Variants in LIMCH1 observed in about 807,000 individuals in gnomAD.
LIMCH1 encodes the protein LIM and calponin homology domains 1, also known as LIM and calponin homology domains-containing protein 1.
A neutral mutation model predicts 176.5 loss-of-function variants in LIMCH1; 113 were observed. That is an observed-to-expected ratio of 0.64 (90% CI 0.55 to 0.75). The LOEUF (loss-of-function observed/expected upper bound fraction) is 0.75, where lower values mean the gene tolerates loss of function less well. LIMCH1 is among the 30% of genes least tolerant of loss of function. The pLI, the probability that LIMCH1 is intolerant of heterozygous loss-of-function variation, is 0.00. For synonymous variants in LIMCH1, 619 were observed against 645.9 expected, an observed-to-expected ratio of 0.96 and a Z score of 0.63; for missense variants, 1,674 against 1,814.9, an observed-to-expected ratio of 0.92 and a Z score of 1.41.
chr4:41,412,440 G>A (rs1473193157), intron 1 of LIMCH1, among the ~76,000 whole-genome samples: 3 of 152,064 alleles, frequency 2.0e-5, no homozygotes, highest in East Asian at 1.9e-4. Context: ...ATCTACAGAG[G>A]TTACTTAAGG....
At chr4:41,608,761 G>C (rs941272274) in intron 4 of LIMCH1, among the ~76,000 whole-genome samples, 1 of 152,122 alleles carries the variant, frequency 6.6e-6, no homozygotes, top group African/African-American at 2.4e-5. Flanking sequence ...AAAGGAAGTG[G>C]CACTTCAGCT....
chr4:41,524,311 T>C (rs1468803907), intron 2 of LIMCH1: 6 of 904,906 alleles, frequency 6.6e-6, no homozygotes, highest in Middle Eastern at 4.3e-4. Flanking sequence ...TTCACTGCTT[T>C]TCCTATCCAG....
intron 1 of LIMCH1, among the ~76,000 whole-genome samples, chr4:41,365,682 A>G (rs2052859155): frequency 6.6e-6 from 1 of 152,250 alleles, no homozygotes; most frequent in South Asian, 2.1e-4. Context: ...GTCTGAATAG[A>G]TATGTAAATG....
At chr4:41,621,875 A>G (rs139492807) in intron 7 of LIMCH1, among the ~76,000 whole-genome samples, 3 of 151,910 alleles carry the variant, frequency 2.0e-5, no homozygotes, top group African/African-American at 7.2e-5. Context: ...CACATTTTCC[A>G]TTTCTCTATA....
intron 5 of LIMCH1, 54 bp downstream of exon 5, chr4:41,613,715 C>A: frequency 1.3e-6 from 2 of 1,498,800 alleles, no homozygotes; most frequent in South Asian, 2.3e-5. Flanking sequence ...TTTGCAGGGG[C>A]TGCATTGCGC....
At chr4:41,486,170 A>G (rs940303402) in intron 1 of LIMCH1, among the ~76,000 whole-genome samples, 1 of 152,124 alleles carries the variant, frequency 6.6e-6, no homozygotes, top group African/African-American at 2.4e-5. Flanking sequence ...TGGCCCCTGA[A>G]TGCTTCTGAA....
intron 1 of LIMCH1, among the ~76,000 whole-genome samples, chr4:41,409,346 T>C (rs535472536): frequency 1.1e-4 from 16 of 152,300 alleles, no homozygotes; most frequent in South Asian, 2.1e-4. Flanking sequence ...AAAGCATTTA[T>C]TGGGGCTCTT....
At chr4:41,514,005 TAAAAAAAAAAAAAAAAAAAAAAAAAAAA>T (rs71198665) in intron 2 of LIMCH1, among the ~76,000 whole-genome samples, 2 of 48,514 alleles carry the variant, frequency 4.1e-5, no homozygotes, top group Non-Finnish European at 7.9e-5. Flanking sequence ...GACTCCGTCT[TAAAAAAAAAAAAAAAAAAAAAAAAAAAA>T]AAAAAAAAAA....
At chr4:41,650,356 T>A in intron 17 of LIMCH1, 37 bp from the exon 18 acceptor site, 1 of 1,453,512 alleles carries the variant, frequency 6.9e-7, no homozygotes. Flanking sequence ...GATTGGGGTA[T>A]ATATAGCATG....
chr4:41,458,189 A>C (rs79037283), intron 1 of LIMCH1, among the ~76,000 whole-genome samples: 1 of 152,186 alleles, frequency 6.6e-6, no homozygotes. Flanking sequence ...AAATGGATGC[A>C]TAGTATCTCA....
chr4:41,593,065 TG>T (rs1357865401), intron 1 of LIMCH1, among the ~76,000 whole-genome samples: 1 of 152,226 alleles, frequency 6.6e-6, no homozygotes, highest in Non-Finnish European at 1.5e-5. Flanking sequence ...GAGACCATCC[TG>T]GGCTATTCCC....
At chr4:41,629,411 A>G in intron 8 of LIMCH1, 81 bp from the exon 9 acceptor site, 1 of 1,470,028 alleles carries the variant, frequency 6.8e-7, no homozygotes, top group Non-Finnish European at 9.1e-7. Flanking sequence ...GTGAGTTTCC[A>G]TGCTTGACAT....
intron 1 of LIMCH1, among the ~76,000 whole-genome samples, chr4:41,436,021 T>C (rs757552313): frequency 6.6e-6 from 1 of 152,238 alleles, no homozygotes; most frequent in African/African-American, 2.4e-5. Flanking sequence ...TTGTTCCACT[T>C]TCAATGATAC....
rs538537218 is a variant in LIMCH1 at position 41,563,661 on chromosome 4, A to C, written c.-241+25311A>C. 4.6e-5 allele frequency among the ~76,000 whole-genome samples: 7 copies of C among 152,000 alleles called. 1 individual carries two copies. The East Asian group carries it at 1.4e-3, about 30-fold the overall frequency. On this transcript the variant is annotated intron_variant, in intron 1 of 31. Coordinates refer to ENST00000503057, the MANE Select transcript of LIMCH1 (RefSeq NM_001330672.2). ...AAGCAACTGTGCTTTGGAGAACAGCACCTCCCTCTACCCATCCTGCAAAAA... is the reference window on the plus strand; with the variant it reads ...AAGCAACTGTGCTTTGGAGAACAGCCCCTCCCTCTACCCATCCTGCAAAAA...
intron 1 of LIMCH1, among the ~76,000 whole-genome samples, chr4:41,465,391 A>G (rs966969093): frequency 2.0e-5 from 3 of 152,094 alleles, no homozygotes; most frequent in Non-Finnish European, 4.4e-5. Context: ...GAGGTCCAAA[A>G]TGTCTTGGCC....
intron 1 of LIMCH1, among the ~76,000 whole-genome samples, chr4:41,456,108 A>G (rs1167648080): frequency 6.6e-6 from 1 of 152,044 alleles, no homozygotes; most frequent in East Asian, 1.9e-4. Flanking sequence ...AGTATCTTTG[A>G]TGGCAATAGT....
chr4:41,411,343 A>G (rs2059459583), intron 1 of LIMCH1, among the ~76,000 whole-genome samples: 2 of 152,124 alleles, frequency 1.3e-5, no homozygotes, highest in Non-Finnish European at 2.9e-5. Flanking sequence ...TCAGCCGAAA[A>G]TTACTATGTT....
chr4:41,397,458 T>C (rs1201762841), intron 1 of LIMCH1, among the ~76,000 whole-genome samples: 1 of 152,178 alleles, frequency 6.6e-6, no homozygotes, highest in Admixed American at 6.5e-5. Flanking sequence ...ATACGTTATA[T>C]GGATTTACAT....
intron 2 of LIMCH1, among the ~76,000 whole-genome samples, chr4:41,600,017 G>C (rs1397232896): frequency 6.6e-6 from 1 of 151,830 alleles, no homozygotes; most frequent in East Asian, 1.9e-4. Flanking sequence ...TTTTTAAAAA[G>C]GATGAGGAAA....
Sources: allele counts gnomAD v4.1 joint callset (sites outside exome capture counted in the v4.1 genomes callset), GRCh38; gene constraint gnomAD v4.1.1; transcripts MANE v1.5; gene names NCBI Gene and HGNC (gene_info 2026-07-23, HGNC 2026-07-21).